Variants in SLC37A1 observed in about 807,000 individuals in gnomAD.
SLC37A1 encodes the protein glucose-6-phosphate exchanger SLC37A1.
In SLC37A1, 49 loss-of-function variants were observed where a neutral mutation model predicts 75.3. That is an observed-to-expected ratio of 0.65 (90% CI 0.52 to 0.83). The LOEUF is 0.83. SLC37A1 is among the 40% of genes least tolerant of loss of function. The pLI is 0.00. For missense variants in SLC37A1, 566 were observed against 695.0 expected (o/e 0.81, Z 2.09); for synonymous variants, 268 against 292.1 (o/e 0.92, Z 0.84).
At chr21:42,579,651 C>A in intron 18 of SLC37A1, 85 bp from the exon 19 acceptor site, 1 of 1,382,058 alleles carries the variant, frequency 7.2e-7, no homozygotes, top group Non-Finnish European at 9.9e-7. Flanking sequence ...CCAGGCCTTG[C>A]GGGCCAGGTC....
At chr21:42,575,882 C>T (rs2056297473) in intron 18 of SLC37A1, 1 of 985,078 alleles carries the variant, frequency 1.0e-6, no homozygotes, top group Non-Finnish European at 1.2e-6. Context: ...TCTTTTAATG[C>T]CTGAATGTTC....
rs543497697 is a variant in SLC37A1 at position 42,547,604 on chromosome 21, A to G, written c.768+464A>G. ...AGCCAGCGTAGGCCCTGCAGGCAGGATTGCTGACCACGTTGGCTGCCATGA... is the reference window on the plus strand; with the variant it reads ...AGCCAGCGTAGGCCCTGCAGGCAGGGTTGCTGACCACGTTGGCTGCCATGA... On this transcript the variant is annotated intron_variant, in intron 9 of 19. Transcript: ENST00000352133. The surrounding 1 kb of genome is among the most constrained non-coding windows in gnomAD (Gnocchi z 6.1). 23 of 159,192 alleles carry G rather than the reference A, an allele frequency of 1.4e-4. No individual in the cohort carries two copies. Among genetic ancestry groups the G allele is most frequent in the African/African-American group, 5.0e-4 (21 of 41,656 alleles). The allele number at this position is 159,192 out of a possible 1,614,324, so 9.9% of individuals were successfully genotyped here. A position where few individuals can be genotyped will look rare whatever the true frequency, so the allele number is the denominator to read the frequency against.
intron 18 of SLC37A1, 74 bp from the exon 19 acceptor site, chr21:42,579,659 GTCC>G: frequency 6.5e-7 from 1 of 1,540,534 alleles, no homozygotes; most frequent in Non-Finnish European, 8.9e-7. Context: ...TGCGGGCCAG[GTCC>G]TCATGGTGCC....
In SLC37A1 at chr21:42,562,137, C is replaced by T; in HGVS notation, c.1041C>T (p.Leu347=). The T allele has an allele frequency of 6.2e-7, 1 of 1,614,190 alleles. No individual in the cohort carries two copies. Among genetic ancestry groups the T allele is most frequent in the African/African-American group, 1.3e-5 (1 of 75,052 alleles). The change falls in exon 12 of 20, where the codon CTC becomes CTT. Residue 347 remains leucine (L), a synonymous_variant. Coordinates refer to ENST00000352133, the MANE Select transcript of SLC37A1 (RefSeq NM_001320537.2). Reference sequence around the variant, plus strand: ...CCAAGCTGGTCAGCTATACTTTCCTCTTCTGGCTGCCCCTGTACATCACGA... The same window carrying T: ...CCAAGCTGGTCAGCTATACTTTCCTTTTCTGGCTGCCCCTGTACATCACGA... The part of the protein sequence containing the change: ...LFAKLVSYTF[L]FWLPLYITNV...
At chr21:42,570,315 T>C (rs3827235) in intron 17 of SLC37A1, among the ~76,000 whole-genome samples, 4,384 of 20,530 alleles carry the variant, frequency 0.21, 1,282 homozygotes, top group African/African-American at 0.37. Context: ...TTCTGAGAAG[T>C]GGTGGGCAGG....
upstream of SLC37A1, chr21:42,509,697 G>A (rs2054417645): frequency 1.3e-5 from 2 of 152,160 alleles, no homozygotes; most frequent in Admixed American, 6.5e-5. This position sits in a 1 kb window ranked among gnomAD's most constrained non-coding sequence, Gnocchi z 4.2. Context: ...AACAACACTA[G>A]TAACTGAATA....
intron 5 of SLC37A1, among the ~76,000 whole-genome samples, chr21:42,538,951 C>A (rs1601708422): frequency 6.6e-6 from 1 of 152,184 alleles, no homozygotes; most frequent in Admixed American, 6.5e-5. Context: ...TAGAGCAAAT[C>A]TTCTGCCTTT....
At chr21:42,573,279 A>G (rs923997389) in intron 17 of SLC37A1, among the ~76,000 whole-genome samples, 3 of 152,024 alleles carry the variant, frequency 2.0e-5, no homozygotes, top group African/African-American at 7.2e-5. Context: ...GACTCAACCC[A>G]TGCACCTTTT....
At chr21:42,575,586 CTG>C in intron 18 of SLC37A1, 1 of 985,072 alleles carries the variant, frequency 1.0e-6, no homozygotes, top group Non-Finnish European at 1.2e-6. Flanking sequence ...AGATGTGCAG[CTG>C]TGAGGGGTGC....
intron 18 of SLC37A1, among the ~76,000 whole-genome samples, chr21:42,578,665 A>C (rs2056355511): frequency 1.3e-5 from 2 of 152,016 alleles, no homozygotes; most frequent in Admixed American, 6.6e-5. Context: ...GACCTTTACC[A>C]CCTAATTGTC....
chr21:42,561,897 G>A (rs1601751278), intron 11 of SLC37A1, 181 bp from the exon 12 acceptor site: 4 of 585,820 alleles, frequency 6.8e-6, no homozygotes, highest in Middle Eastern at 2.9e-4. Context: ...CACTGTTCCC[G>A]CGTCCTCACT....
In SLC37A1 at chr21:42,535,466, A is replaced by G. The variant is rs955037758; in HGVS notation, c.272-6A>G. 4 of 1,613,314 alleles carry G rather than the reference A, an allele frequency of 2.5e-6. No homozygotes were observed. The highest frequency in any genetic ancestry group is 3.4e-6 in the Non-Finnish European group (4 of 1,179,214). The stretch of plus-strand genomic sequence containing the variant: ...GCTTGTCCTGCTGGTTTTCAAATTC[A>G]TATAGATAAGAACAACTATCAGCAG... On this transcript the variant is annotated splice_polypyrimidine_tract_variant and splice_region_variant and intron_variant, in intron 4 of 19. Coordinates refer to ENST00000352133, the MANE Select transcript of SLC37A1 (RefSeq NM_001320537.2).
intron 3 of SLC37A1, among the ~76,000 whole-genome samples, chr21:42,528,375 G>T (rs1190272091): frequency 2.6e-5 from 4 of 152,196 alleles, no homozygotes; most frequent in Non-Finnish European, 5.9e-5. Flanking sequence ...AGAGATCTTA[G>T]TGCGAGCTCT....
At chr21:42,546,152 G>T (rs2055402259) in intron 8 of SLC37A1, among the ~76,000 whole-genome samples, 1 of 152,200 alleles carries the variant, frequency 6.6e-6, no homozygotes. Flanking sequence ...GTCAGAGGGG[G>T]CTGCAGAGGT....
intron 3 of SLC37A1, among the ~76,000 whole-genome samples, chr21:42,527,770 C>T (rs946396254): frequency 2.6e-5 from 4 of 152,208 alleles, no homozygotes; most frequent in Non-Finnish European, 5.9e-5. Context: ...GCCTCCTAAA[C>T]GCACAGATTT....
rs1161313598 is a variant in SLC37A1, at chr21:42,530,654, A to ACACC, written c.139-4043_139-4042insACCC. ...CACACACACACACACACACACACACACCCCCTCTGTGTTGGCTGAAGGTGG... is the reference window on the plus strand; with the variant it reads ...CACACACACACACACACACACACACACACCCCCCCTCTGTGTTGGCTGAAGGTGG... On this transcript the variant is annotated intron_variant, in intron 3 of 19. Transcript: ENST00000352133. Among the ~76,000 whole-genome samples the ACACC allele has an allele frequency of 9.3e-3, 333 of 35,870 alleles. 18 individuals are homozygous for ACACC. Among genetic ancestry groups the ACACC allele is most frequent in the Middle Eastern group, 0.038 (4 of 104 alleles). 23.5% of individuals were successfully genotyped at this position (35,870 alleles called of 152,430 possible). A position where few individuals can be genotyped will look rare whatever the true frequency, so the allele number is the denominator to read the frequency against.
At chr21:42,534,619 C>T (rs1256432050) in intron 3 of SLC37A1, 79 bp from the exon 4 acceptor site, 2 of 1,511,688 alleles carry the variant, frequency 1.3e-6, no homozygotes, top group African/African-American at 2.8e-5. Context: ...GGAGGGGTGA[C>T]TGTTCCTCTC....
rs1180515830 is a variant in SLC37A1, at chr21:42,545,125, G to A, written c.730+1523G>A. 1.3e-5 allele frequency among the ~76,000 whole-genome samples: 2 copies of A among 152,154 alleles called. No individual in the cohort carries two copies. Among genetic ancestry groups the A allele is most frequent in the East Asian group, 3.9e-4 (2 of 5,188 alleles). On this transcript the variant is annotated intron_variant, in intron 8 of 19. Transcript: ENST00000352133. The surrounding 1 kb of genome is among the most constrained non-coding windows in gnomAD (Gnocchi z 4.0). ...GAATAAGCCTCCCTGATCCAATTTG[G>A]GCAGATAGCAATGAGCCAGATGCCC...
At chr21:42,543,922 C>T (rs2055346708) in intron 8 of SLC37A1, among the ~76,000 whole-genome samples, 1 of 152,208 alleles carries the variant, frequency 6.6e-6, no homozygotes, top group Non-Finnish European at 1.5e-5. Flanking sequence ...CCTTCTCATG[C>T]CCATCTTGCC....
Sources: gnomAD v4.1 joint callset for allele counts (sites outside exome capture counted in the v4.1 genomes callset) on GRCh38, gnomAD v4.1.1 for gene constraint, Gnocchi (gnomAD v3.1) non-coding constraint, MANE v1.5 for transcripts, NCBI Gene and HGNC (gene_info 2026-07-23, HGNC 2026-07-21) for gene names.